The following CREB5 variants were observed in gnomAD, a reference collection of about 807,000 sequenced individuals.
CREB5 encodes the protein cAMP responsive element binding protein 5, also known as cyclic AMP-responsive element-binding protein 5.
Under a neutral mutation model 57.1 loss-of-function variants are expected in CREB5, and 19 were observed. The observed-to-expected ratio is 0.33, with a 90% CI of 0.23 to 0.49. The LOEUF is 0.49. Among genes scored for constraint, CREB5 ranks in the 20% least tolerant of loss-of-function variants. CREB5 has a pLI of 0.99. For missense variants in CREB5, 579 were observed against 671.6 expected, an observed-to-expected ratio of 0.86 and a Z score of 1.52; for synonymous variants, 238 against 238.3, an observed-to-expected ratio of 1.00 and a Z score of 0.01.
At chr7:28,461,155 C>G (rs1472560354) in intron 1 of CREB5, among the ~76,000 whole-genome samples, 2 of 150,892 alleles carry the variant, frequency 1.3e-5, no homozygotes, top group Non-Finnish European at 2.9e-5. Flanking sequence ...TCCAGGGGTT[C>G]AAGGCTACAG....
chr7:28,567,265 C>G (rs1466344020), intron 4 of CREB5, among the ~76,000 whole-genome samples: 1 of 152,134 alleles, frequency 6.6e-6, no homozygotes, highest in African/African-American at 2.4e-5. Context: ...TTTCCTCAGC[C>G]CATAACTGAA....
chr7:28,696,793 C>CGTATACGTATATATACACATACGTATAA (rs1801591082), intron 5 of CREB5, among the ~76,000 whole-genome samples: 1 of 147,956 alleles, frequency 6.8e-6, no homozygotes, highest in East Asian at 1.9e-4. Flanking sequence ...CATACGTATA[C>CGTATACGTATATATACACATACGTATAA]GTATACGTAT....
intron 5 of CREB5, among the ~76,000 whole-genome samples, chr7:28,686,581 T>G (rs1158552623): frequency 6.6e-6 from 1 of 151,894 alleles, no homozygotes; most frequent in Non-Finnish European, 1.5e-5. Flanking sequence ...GTTTCTTTGC[T>G]GCGGTGTCGC....
intron 7 of CREB5, among the ~76,000 whole-genome samples, chr7:28,741,875 G>A (rs1482512271): frequency 6.6e-6 from 1 of 151,930 alleles, no homozygotes; most frequent in African/African-American, 2.4e-5. Flanking sequence ...AGACCAGCCT[G>A]GCCAACATGG....
intron 7 of CREB5, among the ~76,000 whole-genome samples, chr7:28,728,581 A>G (rs541566006): frequency 6.6e-6 from 1 of 152,358 alleles, no homozygotes; most frequent in South Asian, 2.1e-4. Flanking sequence ...ACTAACTGGT[A>G]CAGCTTCACT....
At chr7:28,683,030 G>A (rs1562568850) in intron 5 of CREB5, among the ~76,000 whole-genome samples, 1 of 152,222 alleles carries the variant, frequency 6.6e-6, no homozygotes, top group African/African-American at 2.4e-5. Context: ...CTCTGCAAAG[G>A]AGGGTGTTGT....
At chr7:28,396,811 G>C (rs1239165018) in intron 1 of CREB5, among the ~76,000 whole-genome samples, 1 of 152,134 alleles carries the variant, frequency 6.6e-6, no homozygotes, top group Non-Finnish European at 1.5e-5. Context: ...CATAAGTTCT[G>C]AATTCTTCTC....
intron 5 of CREB5, among the ~76,000 whole-genome samples, chr7:28,579,114 G>A (rs1259131205): frequency 1.3e-5 from 2 of 152,268 alleles, no homozygotes; most frequent in South Asian, 4.1e-4. Context: ...CTTGCTGGGG[G>A]CCTGACTTTT....
At chr7:28,345,887 T>C (rs1386752551) in intron 1 of CREB5, among the ~76,000 whole-genome samples, 1 of 152,086 alleles carries the variant, frequency 6.6e-6, no homozygotes, top group African/African-American at 2.4e-5. Flanking sequence ...GTGGGTGGCA[T>C]GGCAGGGGCT....
chr7:28,622,748 T>TG (rs2128686947), intron 5 of CREB5, among the ~76,000 whole-genome samples: 2 of 152,186 alleles, frequency 1.3e-5, no homozygotes, highest in South Asian at 4.2e-4. Flanking sequence ...CAGCTGGGTG[T>TG]GGTGGCTCAT....
chr7:28,491,858 A>G (rs892600692), intron 2 of CREB5, among the ~76,000 whole-genome samples: 2 of 152,204 alleles, frequency 1.3e-5, no homozygotes, highest in African/African-American at 4.8e-5. Context: ...AGAATTGGAA[A>G]CGGGAATAAA....
intron 7 of CREB5, among the ~76,000 whole-genome samples, chr7:28,741,426 C>T (rs1047645887): frequency 2.1e-5 from 3 of 144,836 alleles, no homozygotes; most frequent in South Asian, 2.5e-4. Flanking sequence ...TTTGCTGAGG[C>T]AGCCACCTGG....
chr7:28,331,848 C>CAAA (rs145837781), intron 1 of CREB5, among the ~76,000 whole-genome samples: 9 of 75,572 alleles, frequency 1.2e-4, no homozygotes, highest in South Asian at 4.9e-4. Flanking sequence ...AACTCCATCT[C>CAAA]AAAAAAAAAA....
intron 5 of CREB5, among the ~76,000 whole-genome samples, chr7:28,573,488 G>A (rs749716956): frequency 5.3e-5 from 8 of 152,218 alleles, no homozygotes; most frequent in African/African-American, 1.2e-4. Flanking sequence ...CTGTGCCCAC[G>A]CATAGTGCTC....
chr7:28,704,198 G>C (rs1222414153), intron 5 of CREB5, among the ~76,000 whole-genome samples: 3 of 152,188 alleles, frequency 2.0e-5, no homozygotes, highest in Non-Finnish European at 4.4e-5. Flanking sequence ...AGTGCACAAA[G>C]AGTGAAACCT....
chr7:28,344,734 G>A (rs1786006577), intron 1 of CREB5, among the ~76,000 whole-genome samples: 1 of 150,946 alleles, frequency 6.6e-6, no homozygotes. Context: ...AAAAAAAAAA[G>A]ACAAGATCCA....
chr7:28,821,126 A>ATGTGTG lies in CREB5; in HGVS notation c.*1875_*1880dup, dbSNP rs35688232. The ATGTGTG allele has an allele frequency of 0.056, 8,190 of 146,370 alleles. 290 individuals carry two copies. The highest frequency in any genetic ancestry group is 0.11 in the South Asian group (486 of 4,468). 9.1% of individuals were successfully genotyped at this position (146,370 alleles called of 1,614,324 possible). A position where few individuals can be genotyped will look rare whatever the true frequency, so the allele number is the denominator to read the frequency against. ...CTCCATTTGAATGCTTGACCTCTTA[A>ATGTGTG]TGTGTGTGTGTGTGTGTGTGTGTGT... On this transcript the variant is annotated 3_prime_UTR_variant, in exon 11 of 11. Coordinates refer to ENST00000357727, the MANE Select transcript of CREB5 (RefSeq NM_182898.4).
chr7:28,337,649 A>C (rs1785852176), intron 1 of CREB5, among the ~76,000 whole-genome samples: 1 of 151,974 alleles, frequency 6.6e-6, no homozygotes, highest in Non-Finnish European at 1.5e-5. Context: ...TTTTTAATCC[A>C]GTTAGCCACT....
At chr7:28,785,979 C>T (rs1465103294) in intron 7 of CREB5, among the ~76,000 whole-genome samples, 1 of 152,104 alleles carries the variant, frequency 6.6e-6, no homozygotes, top group East Asian at 1.9e-4. Flanking sequence ...TGTCATCGTG[C>T]CTCCTTCCTC....
Sources: allele counts gnomAD v4.1 joint callset (sites outside exome capture counted in the v4.1 genomes callset), GRCh38; gene constraint gnomAD v4.1.1; transcripts MANE v1.5; gene names NCBI Gene and HGNC (gene_info 2026-07-23, HGNC 2026-07-21).